Variants in TMEM50B observed in about 807,000 individuals in gnomAD.
The protein encoded by TMEM50B is transmembrane protein 50B, also known as HCV p7-trans-regulated protein 3.
Under a neutral mutation model 23.4 loss-of-function variants are expected in TMEM50B, and 14 were observed. The observed-to-expected ratio is 0.60, with a 90% CI of 0.39 to 0.93. The LOEUF is 0.93. Among genes scored for constraint, TMEM50B ranks in the 40% least tolerant of loss-of-function variants. TMEM50B has a pLI of 0.00. For synonymous variants in TMEM50B, 64 were observed against 62.3 expected (o/e 1.03, Z -0.13); for missense variants, 159 against 193.0 (o/e 0.82, Z 1.04).
At chr21:33,438,981 G>A (rs1224771460) in intron 8 of TMEM50B, among the ~76,000 whole-genome samples, 2 of 151,996 alleles carry the variant, frequency 1.3e-5, no homozygotes, top group African/African-American at 4.8e-5. Context: ...ACCCACCTTG[G>A]TCTCCCAAAG....
chr21:33,452,369 G>C (rs913271377), intron 6 of TMEM50B, among the ~76,000 whole-genome samples: 6 of 152,204 alleles, frequency 3.9e-5, no homozygotes, highest in African/African-American at 1.4e-4. Context: ...GAACGCAGGA[G>C]ATCTGCAGGG....
At chr21:33,474,103 T>A (rs1204816981) in intron 1 of TMEM50B, among the ~76,000 whole-genome samples, 1 of 150,192 alleles carries the variant, frequency 6.7e-6, no homozygotes, top group Admixed American at 6.7e-5. Flanking sequence ...CCGTAAATAC[T>A]AAAAATCATT....
intron 4 of TMEM50B, among the ~76,000 whole-genome samples, chr21:33,464,701 G>A (rs968997288): frequency 3.3e-5 from 5 of 150,020 alleles, no homozygotes; most frequent in African/African-American, 7.3e-5. Context: ...GCTCTCGGGA[G>A]GGTGAGGCAG....
chr21:33,433,177 C>A (rs542070748), intron 8 of TMEM50B, among the ~76,000 whole-genome samples: 183 of 152,254 alleles, frequency 1.2e-3, no homozygotes, highest in African/African-American at 4.3e-3. Context: ...GGAGCCACTG[C>A]GCCCGGCCAC....
At chr21:33,445,854 A>G (rs1246336979), downstream of TMEM50B, among the ~76,000 whole-genome samples, 1 of 152,194 alleles carries the variant, frequency 6.6e-6, no homozygotes, top group Non-Finnish European at 1.5e-5. Context: ...TTTGTTAAGC[A>G]TTTCCTCAGA....
intron 1 of TMEM50B, chr21:33,479,388 G>A (rs1055944462): frequency 6.6e-6 from 1 of 152,324 alleles, no homozygotes; most frequent in Non-Finnish European, 1.5e-5. Flanking sequence ...GAGGGGCGAA[G>A]AAGGGCTGGA....
At chr21:33,459,861 C>A (rs2084202294) in intron 5 of TMEM50B, among the ~76,000 whole-genome samples, 1 of 151,748 alleles carries the variant, frequency 6.6e-6, no homozygotes, top group Non-Finnish European at 1.5e-5. Context: ...ACATATACTA[C>A]ATAGCACCGC....
At chr21:33,473,182 G>C (rs1441796432) in intron 1 of TMEM50B, among the ~76,000 whole-genome samples, 2 of 152,076 alleles carry the variant, frequency 1.3e-5, no homozygotes, top group African/African-American at 4.8e-5. Flanking sequence ...GCCAGGTGTG[G>C]TGGCTCATGC....
chr21:33,462,401 CACTT>C (rs2084224916), intron 4 of TMEM50B, among the ~76,000 whole-genome samples: 2 of 152,098 alleles, frequency 1.3e-5, no homozygotes, highest in African/African-American at 4.8e-5. Flanking sequence ...ATATAATAAT[CACTT>C]AGGGTAAAAA....
downstream of TMEM50B, among the ~76,000 whole-genome samples, chr21:33,444,384 C>A (rs1351453568): frequency 1.3e-5 from 2 of 151,938 alleles, no homozygotes; most frequent in Admixed American, 6.6e-5. Flanking sequence ...CGTGTCTCTA[C>A]AAAAAATACA....
At chr21:33,478,880 G>GT (rs1297089196) in intron 1 of TMEM50B, 1 of 464,294 alleles carries the variant, frequency 2.2e-6, no homozygotes, top group African/African-American at 2.0e-5. Context: ...GGGATCCACA[G>GT]TGCAGGTAGG....
At chr21:33,446,691 A>G (rs1218103697), downstream of TMEM50B, among the ~76,000 whole-genome samples, 2 of 150,316 alleles carry the variant, frequency 1.3e-5, no homozygotes, top group Non-Finnish European at 3.0e-5. Flanking sequence ...TCTAAGAAAG[A>G]AAAGAACTTT....
chr21:33,452,499 A>T (rs1035768183), intron 6 of TMEM50B, among the ~76,000 whole-genome samples: 10 of 152,218 alleles, frequency 6.6e-5, no homozygotes, highest in African/African-American at 2.4e-4. Context: ...GCTGGAAGAG[A>T]GTTCATACTC....
intron 2 of TMEM50B, among the ~76,000 whole-genome samples, chr21:33,468,037 C>T (rs2084279817): frequency 1.4e-5 from 2 of 144,100 alleles, no homozygotes; most frequent in South Asian, 4.3e-4. Flanking sequence ...ACTCTAGTAG[C>T]TGTACAACAT....
At chr21:33,438,764 C>T (rs2083981629) in intron 8 of TMEM50B, among the ~76,000 whole-genome samples, 1 of 151,474 alleles carries the variant, frequency 6.6e-6, no homozygotes, top group Non-Finnish European at 1.5e-5. Flanking sequence ...GAGTCTCACT[C>T]TGTCGCCCAG....
At chr21:33,473,380 G>A (rs908191881) in intron 1 of TMEM50B, among the ~76,000 whole-genome samples, 3 of 148,982 alleles carry the variant, frequency 2.0e-5, no homozygotes, top group Non-Finnish European at 3.0e-5. Flanking sequence ...TTGAACCCAG[G>A]AGCTGGAGGT....
chr21:33,432,942 A>G, intron 8 of TMEM50B: 1 of 1,298,410 alleles, frequency 7.7e-7, no homozygotes, highest in African/African-American at 1.5e-5. Context: ...CGGGAGTGTC[A>G]TGGTACAATC....
intron 8 of TMEM50B, among the ~76,000 whole-genome samples, chr21:33,438,895 A>G (rs1028565030): frequency 6.6e-6 from 1 of 151,464 alleles, no homozygotes; most frequent in African/African-American, 2.4e-5. Flanking sequence ...ATGCCTGGCT[A>G]ATTTTTGTAT....
intron 5 of TMEM50B, among the ~76,000 whole-genome samples, chr21:33,456,606 C>G (rs1366188688): frequency 6.6e-6 from 1 of 152,164 alleles, no homozygotes; most frequent in African/African-American, 2.4e-5. Flanking sequence ...CTCTTGATAT[C>G]ATAGCAAACA....
Sources: allele counts gnomAD v4.1 joint callset (sites outside exome capture counted in the v4.1 genomes callset), GRCh38; gene constraint gnomAD v4.1.1; transcripts MANE v1.5; gene names NCBI Gene and HGNC (gene_info 2026-07-23, HGNC 2026-07-21).